The following CRACDL variants were observed in gnomAD, a reference collection of about 807,000 sequenced individuals.
CRACDL encodes the protein CRACD-like protein.
In CRACDL, 26 loss-of-function variants were observed where a neutral mutation model predicts 70.6. The observed-to-expected ratio is 0.37, with a 90% CI of 0.27 to 0.51. CRACDL has a LOEUF of 0.51. Ranked by LOEUF, CRACDL falls within the 20% of genes least tolerant of loss-of-function variation. CRACDL has a pLI of 0.94. For missense variants in CRACDL, 1,283 were observed against 1,376.9 expected (o/e 0.93, Z 1.08); for synonymous variants, 618 against 615.2 (o/e 1.00, Z -0.07).
Position 98,794,786 on chromosome 2 carries a change from T to C in CRACDL, c.2750-115A>G, listed in dbSNP as rs1703729728. 2.3e-5 allele frequency: 17 copies of C among 735,628 alleles called. No individual in the cohort carries two copies. In the South Asian group the frequency reaches 2.3e-4, roughly 10 times the overall value. The allele number at this position is 735,628 out of a possible 1,614,324, so 45.6% of individuals were successfully genotyped here. Reference sequence around the variant, plus strand: ...GAGGTCTTAACTGTGTTCTCGAACATAAAATTCAATAATATGTCAACATGT... The same window carrying C: ...GAGGTCTTAACTGTGTTCTCGAACACAAAATTCAATAATATGTCAACATGT... On this transcript the variant is annotated intron_variant, in intron 9 of 9. Coordinates refer to ENST00000397899, the MANE Select transcript of CRACDL (RefSeq NM_207362.3).
chr2:98,902,470 G>A (rs1269752460), intron 1 of CRACDL, among the ~76,000 whole-genome samples: 3 of 152,182 alleles, frequency 2.0e-5, no homozygotes, highest in Non-Finnish European at 4.4e-5. Flanking sequence ...GGCTCCCCGA[G>A]TGTGTGGGGC....
At chr2:98,846,151 C>T (rs949603412) in intron 2 of CRACDL, among the ~76,000 whole-genome samples, 30 of 152,144 alleles carry the variant, frequency 2.0e-4, no homozygotes, top group African/African-American at 7.0e-4. Flanking sequence ...ACAACTCTAT[C>T]AGGACATAAA....
intron 2 of CRACDL, among the ~76,000 whole-genome samples, chr2:98,842,587 C>T: frequency 6.6e-6 from 1 of 152,142 alleles, no homozygotes; most frequent in East Asian, 1.9e-4. Flanking sequence ...CCTTTAACCC[C>T]TGGCAACCAC....
At chr2:98,876,460 C>G (rs1166721477) in intron 1 of CRACDL, among the ~76,000 whole-genome samples, 1 of 152,126 alleles carries the variant, frequency 6.6e-6, no homozygotes, top group East Asian at 1.9e-4. Context: ...CACCTCCTGT[C>G]AGGTCAGCAG....
chr2:98,893,831 T>A (rs1341370936), intron 1 of CRACDL, among the ~76,000 whole-genome samples: 2 of 152,150 alleles, frequency 1.3e-5, no homozygotes, highest in African/African-American at 4.8e-5. Flanking sequence ...CCGTCAGGGG[T>A]AGCCCAGTCA....
chr2:98,795,077 A>ATATAATTTTTTTTTTTTT, intron 9 of CRACDL, among the ~76,000 whole-genome samples: 2 of 58,510 alleles, frequency 3.4e-5, no homozygotes, highest in African/African-American at 1.3e-4. Flanking sequence ...ATATATATAT[A>ATATAATTTTTTTTTTTTT]TTTTTTTTTT....
Position 98,823,015 on chromosome 2 carries a change from C to A in CRACDL, c.1258G>T (p.Ala420Ser). The change falls in exon 7 of 10, where the codon GCC becomes TCC. Residue 420 changes from alanine (A) to serine (S), a missense_variant. This residue lies in a region of CRACDL where 921 missense variants were observed against 881.9 expected (regional missense o/e 1.04). Transcript: ENST00000397899. The surrounding 1 kb of genome is among the most constrained non-coding windows in gnomAD (Gnocchi z 4.0). ...CGAGCAGAGGGCGCCTCTGAGGTGG[C>A]GGCGGGGTCAGTCTCGGGGGGAGTC... is the stretch of plus-strand genomic sequence containing the variant. ...DTTPPETDPAATSEAPSARDG... is the reference protein window; with the variant it reads ...DTTPPETDPASTSEAPSARDG... The A allele has an allele frequency of 1.3e-6, 2 of 1,515,244 alleles. No individual in the cohort carries two copies. The highest frequency in any genetic ancestry group is 1.8e-6 in the Non-Finnish European group (2 of 1,131,808). 93.9% of individuals were successfully genotyped at this position (1,515,244 alleles called of 1,614,324 possible).
chr2:98,841,030 A>G (rs72958665), intron 2 of CRACDL, among the ~76,000 whole-genome samples: 2,731 of 152,180 alleles, frequency 0.018, 82 homozygotes, highest in African/African-American at 0.062. Context: ...GTATTCCAAA[A>G]TCTGAAAAAA....
intron 1 of CRACDL, among the ~76,000 whole-genome samples, chr2:98,884,644 A>T (rs1356918556): frequency 1.3e-5 from 2 of 152,206 alleles, no homozygotes; most frequent in African/African-American, 2.4e-5. Context: ...GTGATTAGGT[A>T]ATGAGGGTGG....
chr2:98,869,411 C>A, intron 1 of CRACDL: 1 of 567,714 alleles, frequency 1.8e-6, no homozygotes, highest in Non-Finnish European at 2.6e-6. Context: ...ACTCCAAGCC[C>A]TGAAGGCCGG....
At chr2:98,819,715 G>C (rs1364175444) in intron 7 of CRACDL, among the ~76,000 whole-genome samples, 1 of 151,440 alleles carries the variant, frequency 6.6e-6, no homozygotes, top group Admixed American at 6.6e-5. Flanking sequence ...TTCTTCCTAT[G>C]TATGCATCTT....
At chr2:98,864,193 T>A (rs1325820059) in intron 1 of CRACDL, among the ~76,000 whole-genome samples, 1 of 152,090 alleles carries the variant, frequency 6.6e-6, no homozygotes, top group Non-Finnish European at 1.5e-5. Context: ...ATAAAAAACA[T>A]GTTACATATA....
intron 3 of CRACDL, among the ~76,000 whole-genome samples, chr2:98,835,808 T>C (rs1355466417): frequency 1.3e-5 from 2 of 152,248 alleles, no homozygotes; most frequent in East Asian, 1.9e-4. Context: ...CAGTGAATGA[T>C]AGAATTAGAA....
chr2:98,873,405 G>A (rs1286631143), intron 1 of CRACDL, among the ~76,000 whole-genome samples: 1 of 152,214 alleles, frequency 6.6e-6, no homozygotes, highest in Non-Finnish European at 1.5e-5. Context: ...TCTGTCCCCA[G>A]AACACAGCTT....
chr2:98,898,921 G>T (rs1388572256), intron 1 of CRACDL, among the ~76,000 whole-genome samples: 3 of 152,198 alleles, frequency 2.0e-5, no homozygotes, highest in African/African-American at 7.2e-5. Flanking sequence ...TCTCCCAAAA[G>T]GGGGAAGACA....
chr2:98,929,734 C>T (rs1709023029), intron 1 of CRACDL, among the ~76,000 whole-genome samples: 1 of 152,054 alleles, frequency 6.6e-6, no homozygotes, highest in African/African-American at 2.4e-5. Flanking sequence ...GGGCATTTGT[C>T]AAATTGTTTG....
At chr2:98,797,618 C>G (rs1038802060) in intron 7 of CRACDL, 81 bp from the exon 8 acceptor site, 6 of 1,355,644 alleles carry the variant, frequency 4.4e-6, no homozygotes, top group Non-Finnish European at 6.2e-6. Context: ...GCACAGAGAA[C>G]ACTACTGCTT....
In CRACDL at chr2:98,797,392, C is replaced by T. The variant is rs766922252; in HGVS notation, c.2562G>A (p.Lys854=). Residue 854 remains lysine (K), a synonymous_variant, in exon 8 of 10, where the codon AAG becomes AAA. Transcript: ENST00000397899. ...QEDKPGARTL[K]SEPGKQAKVP... ...CCTTGGCTTGCTTTCCTGGTTCAGACTTCAGGGTCCGTGCCCCAGGCTTGT... is the reference window on the plus strand; with the variant it reads ...CCTTGGCTTGCTTTCCTGGTTCAGATTTCAGGGTCCGTGCCCCAGGCTTGT... 1 of 1,614,224 alleles carries T rather than the reference C, an allele frequency of 6.2e-7. No homozygotes were observed. Among genetic ancestry groups the T allele is most frequent in the South Asian group, 1.1e-5 (1 of 91,084 alleles).
chr2:98,810,510 G>A (rs1352252834), intron 7 of CRACDL, among the ~76,000 whole-genome samples: 1 of 152,122 alleles, frequency 6.6e-6, no homozygotes, highest in African/African-American at 2.4e-5. Flanking sequence ...AGATGAGGCT[G>A]GCATGGGGAC....
Sources: gnomAD v4.1 joint callset for allele counts (sites outside exome capture counted in the v4.1 genomes callset) on GRCh38, gnomAD v4.1.1 for gene constraint, gnomAD v4.1.1 regional missense constraint, Gnocchi (gnomAD v3.1) non-coding constraint, MANE v1.5 for transcripts, NCBI Gene and HGNC (gene_info 2026-07-23, HGNC 2026-07-21) for gene names.